MBLAC2: variants seen among roughly 807,000 people sequenced by gnomAD.
The protein encoded by MBLAC2 is acyl-coenzyme A thioesterase MBLAC2.
MBLAC2 carries 24 observed loss-of-function variants against 23.3 expected under a neutral mutation model. The ratio of observed to expected loss-of-function variants is 1.03; its 90% CI spans 0.75 to 1.45. MBLAC2 has a LOEUF of 1.45. Ranked by LOEUF, MBLAC2 falls within the 40% of genes most tolerant of loss-of-function variation. MBLAC2 has a pLI of 0.00. For missense variants in MBLAC2, 358 were observed against 370.0 expected (o/e 0.97, Z 0.27); for synonymous variants, 162 against 150.9 (o/e 1.07, Z -0.54).
At position 90,473,578 on chromosome 5, in the gene MBLAC2, G is replaced by A. The variant is rs879377980; in HGVS notation, c.454+261C>T. On this transcript the variant is annotated intron_variant, in intron 1 of 1. Coordinates refer to ENST00000316610, the MANE Select transcript of MBLAC2 (RefSeq NM_203406.2). ...TACAGCCGATGCAGGAAAGTGGCTA[G>A]GGAGGGGGTGGTGCCGGCTTTCAAA... The A allele has an allele frequency of 2.8e-5, 18 of 654,350 alleles. No individual in the cohort carries two copies. The East Asian group carries it at 4.9e-4, about 18-fold the overall frequency. The allele number at this position is 654,350 out of a possible 1,614,324, so 40.5% of individuals were successfully genotyped here.
chr5:90,464,315 T>A (rs1207377870), intron 1 of MBLAC2, among the ~76,000 whole-genome samples: 1 of 152,182 alleles, frequency 6.6e-6, no homozygotes, highest in Admixed American at 6.5e-5. Context: ...AGCTCACTCC[T>A]GTAATCCCAG....
In MBLAC2 at chr5:90,470,661, G is replaced by A. The variant is rs542195298; in HGVS notation, c.454+3178C>T. 2.6e-5 allele frequency among the ~76,000 whole-genome samples: 4 copies of A among 151,940 alleles called. No individual in the cohort carries two copies. The South Asian group carries it at 8.3e-4, about 32-fold the overall frequency. On this transcript the variant is annotated intron_variant, in intron 1 of 1. Transcript: ENST00000316610. ...CATTTTTCTAATTTCCTACCTGGGT[G>A]GGGAAAGGCCTGGCTCTCATCCTTC...
rs1369847796 is a variant in MBLAC2 at position 90,460,473 on chromosome 5, AT to A, written c.*693del. 1.3e-5 allele frequency: 2 copies of A among 152,600 alleles called. No homozygotes were observed. Among genetic ancestry groups the A allele is most frequent in the African/African-American group, 4.8e-5 (2 of 41,468 alleles). 9.5% of individuals were successfully genotyped at this position (152,600 alleles called of 1,614,324 possible). Reference sequence around the variant, plus strand: ...CAGACATTTGCATTTCACTTTCATAATTGAAAATATTACCTACACAATAACA... The same window carrying A: ...CAGACATTTGCATTTCACTTTCATAATGAAAATATTACCTACACAATAACA... On this transcript the variant is annotated 3_prime_UTR_variant, in exon 2 of 2. Coordinates refer to ENST00000316610, the MANE Select transcript of MBLAC2 (RefSeq NM_203406.2).
chr5:90,473,809 C>A (rs779804681), intron 1 of MBLAC2, 30 bp downstream of exon 1: 8 of 1,547,792 alleles, frequency 5.2e-6, no homozygotes, highest in Admixed American at 3.9e-5. Flanking sequence ...CCTCCCTTAA[C>A]GAGAGCGCGC....
chr5:90,467,088 C>A (rs1008239943), intron 1 of MBLAC2, among the ~76,000 whole-genome samples: 4 of 152,262 alleles, frequency 2.6e-5, no homozygotes, highest in African/African-American at 9.6e-5. Flanking sequence ...AGTGAGATTG[C>A]ACCATTGCAC....
chr5:90,468,834 G>A (rs1488374924), intron 1 of MBLAC2, among the ~76,000 whole-genome samples: 1 of 152,070 alleles, frequency 6.6e-6, no homozygotes, highest in Non-Finnish European at 1.5e-5. Context: ...TGATCATTGG[G>A]TCAACAATGA....
At chr5:90,469,398 T>C (rs1259781983) in intron 1 of MBLAC2, among the ~76,000 whole-genome samples, 3 of 152,208 alleles carry the variant, frequency 2.0e-5, no homozygotes, top group Admixed American at 2.0e-4. Flanking sequence ...CCTGTACTGA[T>C]CTTTAGTAAG....
chr5:90,464,642 T>C (rs1471452050), intron 1 of MBLAC2, among the ~76,000 whole-genome samples: 4 of 152,092 alleles, frequency 2.6e-5, no homozygotes, highest in African/African-American at 7.2e-5. Context: ...CTTAAAATTA[T>C]TGACAAAATA....
rs1393007726 is a variant in MBLAC2, at chr5:90,458,734, A to C, written c.*2433T>G. 1 of 152,206 alleles carries C rather than the reference A, an allele frequency of 6.6e-6. No individual in the cohort carries two copies. Among genetic ancestry groups the C allele is most frequent in the Non-Finnish European group, 1.5e-5 (1 of 68,018 alleles). The allele number at this position is 152,206 out of a possible 1,614,324, so 9.4% of individuals were successfully genotyped here. ...TGTGTTCAGTTACTAGCTTTGTCCA[A>C]AATTGTGTTGAGGCTGGTCAATTAC... On this transcript the variant is annotated 3_prime_UTR_variant, in exon 2 of 2. Coordinates refer to ENST00000316610, the MANE Select transcript of MBLAC2 (RefSeq NM_203406.2).
intron 1 of MBLAC2, among the ~76,000 whole-genome samples, chr5:90,462,625 G>A (rs1265981345): frequency 6.6e-6 from 1 of 151,910 alleles, no homozygotes; most frequent in African/African-American, 2.4e-5. Flanking sequence ...TTTACATGAA[G>A]AATATTACTA....
chr5:90,472,120 T>C (rs1399468330), intron 1 of MBLAC2, among the ~76,000 whole-genome samples: 1 of 152,210 alleles, frequency 6.6e-6, no homozygotes, highest in Non-Finnish European at 1.5e-5. Flanking sequence ...TCTTTCTTCA[T>C]CTATAAAAAA....
In MBLAC2 at chr5:90,460,515, T is replaced by G. The variant is rs894575022; in HGVS notation, c.*652A>C. The stretch of plus-strand genomic sequence containing the variant: ...CACAATAACAAACAACAATATATAG[T>G]AGCTTTTTACTGAAGCACTCTGAAA... On this transcript the variant is annotated 3_prime_UTR_variant, in exon 2 of 2. Coordinates refer to ENST00000316610, the MANE Select transcript of MBLAC2 (RefSeq NM_203406.2). 6.6e-6 allele frequency: 1 copy of G among 152,562 alleles called. No homozygotes were observed. The highest frequency in any genetic ancestry group is 2.4e-5 in the African/African-American group (1 of 41,456). The allele number at this position is 152,562 out of a possible 1,614,324, so 9.5% of individuals were successfully genotyped here.
At position 90,458,314 on chromosome 5, in the gene MBLAC2, A is replaced by AAATACATTTAG. The variant is rs1278983104; in HGVS notation, c.*2842_*2852dup. ...TTCATATTACTATCCATATAAGAAC[A>AAATACATTTAG]AATACATTTAGTCAACTATATCAGG... On this transcript the variant is annotated 3_prime_UTR_variant, in exon 2 of 2. Transcript: ENST00000316610. 6.6e-6 allele frequency: 1 copy of AAATACATTTAG among 152,188 alleles called. No individual in the cohort carries two copies. The highest frequency in any genetic ancestry group is 1.5e-5 in the Non-Finnish European group (1 of 67,992). The allele number at this position is 152,188 out of a possible 1,614,324, so 9.4% of individuals were successfully genotyped here. A position where few individuals can be genotyped will look rare whatever the true frequency, so the allele number is the denominator to read the frequency against.
At position 90,474,266 on chromosome 5, in the gene MBLAC2, G is replaced by C. The variant is rs767214645; in HGVS notation, c.27C>G (p.His9Gln). The C allele has an allele frequency of 1.2e-6, 2 of 1,613,378 alleles. No individual in the cohort carries two copies. The highest frequency in any genetic ancestry group is 1.7e-5 in the Admixed American group (1 of 59,928). MSALEWYA[H>Q]KSLGDGIFWI... is the part of the protein sequence containing the mutation. ...AGAAGATACCATCGCCTAGAGACTT[G>C]TGGGCGTACCACTCGAGCGCCGACA... Residue 9 changes from histidine to glutamine, a missense_variant, in exon 1 of 2, where the codon CAC becomes CAG. Coordinates refer to ENST00000316610, the MANE Select transcript of MBLAC2 (RefSeq NM_203406.2).
Position 90,461,326 on chromosome 5 carries a change from C to A in MBLAC2, c.681G>T (p.Val227=), listed in dbSNP as rs181966984. ...ELVDRGLVEK[V]LPGHFNTFGA... ...CAAAGGTATTGAAGTGCCCAGGAAG[C>A]ACCTTCTCTACCAGACCTCTGTCCA... Residue 227 remains valine (V), a synonymous_variant, in exon 2 of 2, where the codon GTG becomes GTT. Coordinates refer to ENST00000316610, the MANE Select transcript of MBLAC2 (RefSeq NM_203406.2). 1.9e-6 allele frequency: 3 copies of A among 1,614,164 alleles called. No homozygotes were observed. The East Asian group carries it at 6.7e-5, about 36-fold the overall frequency.
rs1750341715 is a variant in MBLAC2, at chr5:90,460,080, A to C, written c.*1087T>G. 6.6e-6 allele frequency: 1 copy of C among 152,572 alleles called. No individual in the cohort carries two copies. The highest frequency in any genetic ancestry group is 2.1e-4 in the South Asian group (1 of 4,832). 9.5% of individuals were successfully genotyped at this position (152,572 alleles called of 1,614,324 possible). On this transcript the variant is annotated 3_prime_UTR_variant, in exon 2 of 2. Transcript: ENST00000316610. ...AAATAGTGGTATAACCTTTTATATG[A>C]CTTTACGAACATAGACTTCTCTATT...
chr5:90,463,083 C>A (rs1374689090), intron 1 of MBLAC2, among the ~76,000 whole-genome samples: 1 of 152,154 alleles, frequency 6.6e-6, no homozygotes, highest in Non-Finnish European at 1.5e-5. Flanking sequence ...AACATGTAGT[C>A]TTTTTGTTTG....
intron 1 of MBLAC2, among the ~76,000 whole-genome samples, chr5:90,464,176 C>T (rs1433398489): frequency 2.0e-5 from 3 of 152,062 alleles, no homozygotes; most frequent in Admixed American, 6.6e-5. Context: ...CAATTTCAAC[C>T]CTATAATAAT....
chr5:90,465,479 A>G (rs1199226637), intron 1 of MBLAC2, among the ~76,000 whole-genome samples: 1 of 152,226 alleles, frequency 6.6e-6, no homozygotes, highest in Non-Finnish European at 1.5e-5. Context: ...AACTTTCTGC[A>G]ATGATTGAAA....
Sources: allele counts gnomAD v4.1 joint callset (sites outside exome capture counted in the v4.1 genomes callset), GRCh38; gene constraint gnomAD v4.1.1; transcripts MANE v1.5; gene names NCBI Gene and HGNC (gene_info 2026-07-23, HGNC 2026-07-21).